ALDH8A1: variants seen among roughly 807,000 people sequenced by gnomAD.
ALDH8A1 encodes the protein 2-aminomuconic semialdehyde dehydrogenase.
Under a neutral mutation model 43.3 loss-of-function variants are expected in ALDH8A1, and 39 were observed. That is an observed-to-expected ratio of 0.90 (90% CI 0.70 to 1.18). The LOEUF (loss-of-function observed/expected upper bound fraction) is 1.18. Among genes scored for constraint, ALDH8A1 ranks in the 50% most tolerant of loss-of-function variants. ALDH8A1 has a pLI of 0.00. For synonymous variants in ALDH8A1, 233 were observed against 243.5 expected (o/e 0.96, Z 0.40); for missense variants, 605 against 622.6 (o/e 0.97, Z 0.30).
At chr6:134,936,433 T>A (rs948846847) in intron 4 of ALDH8A1, among the ~76,000 whole-genome samples, 1 of 152,182 alleles carries the variant, frequency 6.6e-6, no homozygotes, top group African/African-American at 2.4e-5. Flanking sequence ...CAGTAGGTGA[T>A]GCGACGAAAC....
intron 5 of ALDH8A1, 72 bp downstream of exon 5, chr6:134,932,704 T>C: frequency 6.4e-7 from 1 of 1,567,332 alleles, no homozygotes; most frequent in Non-Finnish European, 8.7e-7. Flanking sequence ...CTCCCAGGCA[T>C]TGCACTGTGA....
intron 6 of ALDH8A1, among the ~76,000 whole-genome samples, chr6:134,924,766 C>T (rs781490896): frequency 6.6e-5 from 10 of 152,104 alleles, no homozygotes; most frequent in Non-Finnish European, 1.2e-4. Flanking sequence ...AAATATTTTA[C>T]TCTAGGGAAA....
rs1777011941 is a variant in ALDH8A1, at chr6:134,932,953, C to T, written c.672G>A (p.Val224=). The T allele has an allele frequency of 6.2e-7, 1 of 1,613,878 alleles. No homozygotes were observed. Among genetic ancestry groups the T allele is most frequent in the South Asian group, 1.1e-5 (1 of 91,056 alleles). Residue 224 remains valine, a synonymous_variant, in exon 5 of 7, where the codon GTG becomes GTA. Coordinates refer to ENST00000265605, the MANE Select transcript of ALDH8A1 (RefSeq NM_022568.4). Reference sequence around the variant, plus strand: ...GGCTCCCGGTGAAGGAGATCAGGGGCACCTCTGGGTGGGACACCAGGGCCT... The same window carrying T: ...GGCTCCCGGTGAAGGAGATCAGGGGTACCTCTGGGTGGGACACCAGGGCCT... ...VGEALVSHPE[V]PLISFTGSQP... is the part of the protein sequence containing the mutation.
chr6:134,933,401 A>C (rs1773663179), intron 4 of ALDH8A1, among the ~76,000 whole-genome samples: 1 of 152,196 alleles, frequency 6.6e-6, no homozygotes, highest in Non-Finnish European at 1.5e-5. Flanking sequence ...ACCCTGCTCC[A>C]TCTTGGTGTC....
intron 1 of ALDH8A1, 28 bp from the exon 2 acceptor site, chr6:134,943,994 C>T (rs1285746179): frequency 1.2e-6 from 2 of 1,603,372 alleles, no homozygotes; most frequent in Non-Finnish European, 1.7e-6. Context: ...GAGAAAGGGT[C>T]ACCTTAAAGC....
At chr6:134,936,361 A>T (rs1562256676) in intron 4 of ALDH8A1, among the ~76,000 whole-genome samples, 1 of 152,214 alleles carries the variant, frequency 6.6e-6, no homozygotes, top group Non-Finnish European at 1.5e-5. Context: ...GGCTGGCACC[A>T]TGTGAGAGCA....
At chr6:134,945,719 T>C (rs551642097) in intron 1 of ALDH8A1, among the ~76,000 whole-genome samples, 20 of 152,244 alleles carry the variant, frequency 1.3e-4, no homozygotes, top group African/African-American at 3.6e-4. Context: ...AGCATCTTTT[T>C]TGGGGCGCTT....
At chr6:134,928,401 G>A (rs1562253071) in intron 6 of ALDH8A1, among the ~76,000 whole-genome samples, 1 of 152,230 alleles carries the variant, frequency 6.6e-6, no homozygotes, top group Non-Finnish European at 1.5e-5. Flanking sequence ...TCTCTCATTG[G>A]CTGGCTGATG....
In ALDH8A1 at chr6:134,949,882, C is replaced by G. The variant is rs541100731; in HGVS notation, c.138+34G>C. On this transcript the variant is annotated intron_variant, in intron 1 of 6. Coordinates refer to ENST00000265605, the MANE Select transcript of ALDH8A1 (RefSeq NM_022568.4). ...ACCCATAATTGGCCAACATATTAAA[C>G]ACATTTCAGTCTTCTTTAAGTGCAT... is the stretch of plus-strand genomic sequence containing the variant. 1.1e-5 allele frequency: 17 copies of G among 1,526,784 alleles called. No individual in the cohort carries two copies. The East Asian group carries it at 3.3e-4, about 30-fold the overall frequency. The allele number at this position is 1,526,784 out of a possible 1,614,324, so 94.6% of individuals were successfully genotyped here. A position where few individuals can be genotyped will look rare whatever the true frequency, so the allele number is the denominator to read the frequency against.
intron 5 of ALDH8A1, among the ~76,000 whole-genome samples, chr6:134,931,893 T>C (rs1402495145): frequency 6.6e-6 from 1 of 152,228 alleles, no homozygotes; most frequent in Non-Finnish European, 1.5e-5. Context: ...CATGATTTTA[T>C]TAGTGAAGCA....
At position 134,950,038 on chromosome 6, in the gene ALDH8A1, C is replaced by T. The variant is rs150345681; in HGVS notation, c.16G>A (p.Ala6Thr). 1.3e-3 allele frequency: 2,128 copies of T among 1,611,694 alleles called. 15 individuals are homozygous for T. Among genetic ancestry groups the T allele is most frequent in the Middle Eastern group, 9.9e-4 (6 of 6,052 alleles). The change falls in exon 1 of 7, where the codon GCA (alanine) becomes ACA (threonine). Residue 6 changes from alanine to threonine, a missense_variant. By Grantham distance (58) the Ala-to-Thr change is moderately conservative. Coordinates refer to ENST00000265605, the MANE Select transcript of ALDH8A1 (RefSeq NM_022568.4). ...ATGAAGTTTTCCAGCATCAAAAGTG[C>T]GTTTGTTCCAGCCATAGCAAGGAAA... MAGTN[A>T]LLMLENFIDG... is the part of the protein sequence containing the mutation.
At chr6:134,948,150 C>T (rs1583039631) in intron 1 of ALDH8A1, among the ~76,000 whole-genome samples, 2 of 152,030 alleles carry the variant, frequency 1.3e-5, no homozygotes, top group African/African-American at 2.4e-5. Context: ...AAGCAAGGCA[C>T]AAAAATACAA....
chr6:134,924,156 C>T (rs549084759), intron 6 of ALDH8A1, among the ~76,000 whole-genome samples: 18 of 152,222 alleles, frequency 1.2e-4, no homozygotes, highest in South Asian at 8.3e-4. Context: ...GAAGGAGGGC[C>T]GGCCAGAGAG....
intron 1 of ALDH8A1, among the ~76,000 whole-genome samples, chr6:134,946,981 AC>A (rs755897103): frequency 4.6e-5 from 7 of 152,252 alleles, no homozygotes; most frequent in Non-Finnish European, 8.8e-5. Context: ...TTTAAAATAT[AC>A]TACAAAGCTA....
intron 2 of ALDH8A1, among the ~76,000 whole-genome samples, chr6:134,943,009 A>T (rs539446968): frequency 1.3e-5 from 2 of 152,364 alleles, no homozygotes; most frequent in African/African-American, 4.8e-5. Context: ...CACATGGTAG[A>T]GTCATCAGAA....
intron 3 of ALDH8A1, among the ~76,000 whole-genome samples, chr6:134,941,105 A>G (rs1773844840): frequency 6.6e-6 from 1 of 152,258 alleles, no homozygotes; most frequent in African/African-American, 2.4e-5. Context: ...AAAGGAATGC[A>G]TGAAGTAAGA....
chr6:134,943,817 A>G lies in ALDH8A1; in HGVS notation c.286+2T>C, dbSNP rs781331827. The G allele has an allele frequency of 2.5e-6, 4 of 1,613,792 alleles. No homozygotes were observed. The highest frequency in any genetic ancestry group is 1.7e-5 in the Admixed American group (1 of 59,976). On this transcript the variant is annotated splice_donor_variant, in intron 2 of 6. Coordinates refer to ENST00000265605, the MANE Select transcript of ALDH8A1 (RefSeq NM_022568.4). LOFTEE classifies it high-confidence loss of function. ...ATGTTACAGTTAAGAGGCAACTCTC[A>G]CCTTGGTCTTTAGACTCGGCCTGGG...
intron 3 of ALDH8A1, chr6:134,941,264 T>A (rs1349307735): frequency 2.0e-5 from 3 of 152,276 alleles, no homozygotes; most frequent in African/African-American, 7.2e-5. Flanking sequence ...TGGAGTGCAG[T>A]GGCACCATCT....
intron 2 of ALDH8A1, among the ~76,000 whole-genome samples, chr6:134,942,983 TTTC>T (rs1773884317): frequency 6.6e-6 from 1 of 152,246 alleles, no homozygotes; most frequent in African/African-American, 2.4e-5. Context: ...GTAATGTGTA[TTTC>T]ATGACCTCCC....
Sources: allele counts gnomAD v4.1 joint callset (sites outside exome capture counted in the v4.1 genomes callset), GRCh38; gene constraint gnomAD v4.1.1; transcripts MANE v1.5; gene names NCBI Gene and HGNC (gene_info 2026-07-23, HGNC 2026-07-21).